Variants in NSUN6 observed in about 807,000 individuals in gnomAD.
NSUN6 encodes the protein tRNA (cytosine(72)-C(5))-methyltransferase NSUN6.
Under a neutral mutation model 58.0 loss-of-function variants are expected in NSUN6, and 64 were observed. That is an observed-to-expected ratio of 1.10 (90% confidence interval 0.90 to 1.36). The LOEUF (loss-of-function observed/expected upper bound fraction) is 1.36. NSUN6 is among the 40% of genes most tolerant of loss of function. NSUN6 has a pLI of 0.00. For synonymous variants in NSUN6, 231 were observed against 193.9 expected (o/e 1.19, Z -1.59); for missense variants, 701 against 550.1 (o/e 1.27, Z -2.74).
chr10:18,567,988 A>C (rs1173242879), intron 8 of NSUN6, among the ~76,000 whole-genome samples: 1 of 146,346 alleles, frequency 6.8e-6, no homozygotes, highest in African/African-American at 2.5e-5. Context: ...ATTCCATTCC[A>C]TTCTCCATTC....
intron 6 of NSUN6, among the ~76,000 whole-genome samples, chr10:18,598,510 C>T (rs776064427): frequency 1.7e-4 from 26 of 152,342 alleles, no homozygotes; most frequent in Middle Eastern, 3.4e-3. Context: ...CTCAGACTGT[C>T]ACCTAGGTTG....
intron 3 of NSUN6, among the ~76,000 whole-genome samples, chr10:18,629,944 A>G (rs2058967108): frequency 6.6e-6 from 1 of 150,580 alleles, no homozygotes; most frequent in Admixed American, 6.6e-5. Flanking sequence ...AAATCAACAG[A>G]ATATACATTT....
In NSUN6 at chr10:18,579,913, G is replaced by A. The variant is rs1186053371; in HGVS notation, c.922+6036C>T. Among the ~76,000 whole-genome samples the A allele has an allele frequency of 2.6e-5, 4 of 152,272 alleles. No individual in the cohort carries two copies. In the South Asian group the frequency reaches 8.3e-4, roughly 32 times the overall value. ...GTGAGCAGAGGGATAACTTTGAAAA[G>A]AATGGGAAGCAGGTTTGCCCTAACC... On this transcript the variant is annotated intron_variant, in intron 8 of 10. Transcript: ENST00000377304.
chr10:18,607,428 T>G (rs1002435584), intron 6 of NSUN6, among the ~76,000 whole-genome samples: 3 of 152,214 alleles, frequency 2.0e-5, no homozygotes, highest in Non-Finnish European at 4.4e-5. Flanking sequence ...CTGGTCTGCA[T>G]TGAATTAAGC....
intron 7 of NSUN6, among the ~76,000 whole-genome samples, chr10:18,592,666 G>A (rs1336557367): frequency 1.3e-5 from 2 of 152,160 alleles, no homozygotes; most frequent in Admixed American, 1.3e-4. Flanking sequence ...CTGTCCATAT[G>A]CAGAAGACAG....
At chr10:18,602,638 G>A (rs954087322) in intron 6 of NSUN6, among the ~76,000 whole-genome samples, 52 of 152,114 alleles carry the variant, frequency 3.4e-4, no homozygotes, top group African/African-American at 1.2e-3. Context: ...CCAAAGTGCT[G>A]GGATTACAGG....
Position 18,651,271 on chromosome 10 carries a change from T to C in NSUN6, c.-68A>G, listed in dbSNP as rs1332994364. The C allele has an allele frequency of 1.3e-6, 2 of 1,494,022 alleles. No individual in the cohort carries two copies. Among genetic ancestry groups the C allele is most frequent in the Admixed American group, 2.6e-5 (1 of 39,040 alleles). 92.5% of individuals were successfully genotyped at this position (1,494,022 alleles called of 1,614,324 possible). On this transcript the variant is annotated 5_prime_UTR_variant, in exon 1 of 11. Coordinates refer to ENST00000377304, the MANE Select transcript of NSUN6 (RefSeq NM_182543.5). The stretch of plus-strand genomic sequence containing the variant: ...ACGGTGTTTTGTTTTTTTTTTTCTT[T>C]CCGAATTAATAGTGACGAGTGTCTT...
chr10:18,612,319 G>A (rs748155739), intron 5 of NSUN6, among the ~76,000 whole-genome samples: 1 of 152,140 alleles, frequency 6.6e-6, no homozygotes, highest in Non-Finnish European at 1.5e-5. Flanking sequence ...GCTACTCAGA[G>A]GCTGAAGTAG....
At chr10:18,604,735 A>T (rs1048230831) in intron 6 of NSUN6, among the ~76,000 whole-genome samples, 7 of 151,732 alleles carry the variant, frequency 4.6e-5, no homozygotes, top group African/African-American at 1.7e-4. Context: ...AAAATACAAA[A>T]ATTAACTGGG....
chr10:18,559,147 T>C (rs2055284799), intron 8 of NSUN6, among the ~76,000 whole-genome samples: 1 of 145,666 alleles, frequency 6.9e-6, no homozygotes, highest in South Asian at 2.1e-4. Context: ...AAATGGAGAA[T>C]GGAATGCAGA....
intron 9 of NSUN6, 99 bp downstream of exon 9, chr10:18,551,724 G>A: frequency 1.1e-6 from 1 of 952,222 alleles, no homozygotes. Context: ...CCACCTTTTG[G>A]CTATTGTAAT....
upstream of NSUN6, among the ~76,000 whole-genome samples, chr10:18,653,700 T>C (rs1428732608): frequency 1.3e-5 from 2 of 152,216 alleles, no homozygotes; most frequent in Non-Finnish European, 1.5e-5. Flanking sequence ...CTAGATGTTA[T>C]AGTAATGACA....
chr10:18,583,003 A>C (rs537562654), intron 8 of NSUN6, among the ~76,000 whole-genome samples: 1 of 152,294 alleles, frequency 6.6e-6, no homozygotes, highest in African/African-American at 2.4e-5. Context: ...ACCTGCACAT[A>C]CACATCCAGA....
rs922714397 is a variant in NSUN6 at position 18,602,108 on chromosome 10, G to C, written c.658-5781C>G. Reference sequence around the variant, plus strand: ...AGATGGTGTTTCGCTCTGTCACCCAGGCTGGAATGCAGTGGCGCAATCTCA... The same window carrying C: ...AGATGGTGTTTCGCTCTGTCACCCACGCTGGAATGCAGTGGCGCAATCTCA... On this transcript the variant is annotated intron_variant, in intron 6 of 10. Coordinates refer to ENST00000377304, the MANE Select transcript of NSUN6 (RefSeq NM_182543.5). Among the ~76,000 whole-genome samples the C allele has an allele frequency of 9.2e-5, 14 of 151,900 alleles. 1 individual carries two copies. Among genetic ancestry groups the C allele is most frequent in the Admixed American group, 9.2e-4 (14 of 15,260 alleles).
At chr10:18,551,398 G>A (rs868252560) in intron 9 of NSUN6, among the ~76,000 whole-genome samples, 6 of 151,898 alleles carry the variant, frequency 4.0e-5, no homozygotes, top group Middle Eastern at 3.4e-3. Flanking sequence ...TTCATCTCCA[G>A]AACTTTTTCA....
At chr10:18,578,561 C>T (rs1348564203) in intron 8 of NSUN6, among the ~76,000 whole-genome samples, 1 of 152,140 alleles carries the variant, frequency 6.6e-6, no homozygotes, top group East Asian at 1.9e-4. Context: ...TGCCCCAGGG[C>T]TCTCCGTTGC....
intron 6 of NSUN6, among the ~76,000 whole-genome samples, chr10:18,602,401 G>A (rs958256399): frequency 1.4e-4 from 22 of 151,968 alleles, no homozygotes; most frequent in East Asian, 7.7e-4. Context: ...CCGCCACCAC[G>A]CCCGGCTAAT....
intron 9 of NSUN6, 127 bp downstream of exon 9, chr10:18,551,696 C>G (rs979858037): frequency 4.3e-6 from 3 of 695,100 alleles, no homozygotes; most frequent in African/African-American, 3.6e-5. Context: ...TATCTGTCAA[C>G]AGACTCTTGG....
chr10:18,555,025 AGAGTG>A (rs2054882366), intron 8 of NSUN6, among the ~76,000 whole-genome samples: 3 of 95,158 alleles, frequency 3.2e-5, no homozygotes, highest in Admixed American at 1.3e-4. Context: ...AGTGGAATGG[AGAGTG>A]GAATGGAGAA....
Sources: allele counts gnomAD v4.1 joint callset (sites outside exome capture counted in the v4.1 genomes callset), GRCh38; gene constraint gnomAD v4.1.1; transcripts MANE v1.5; gene names NCBI Gene and HGNC (gene_info 2026-07-23, HGNC 2026-07-21).